Variants in RFX3 observed in about 807,000 individuals in gnomAD.
The protein encoded by RFX3 is regulatory factor X3.
In RFX3, 14 loss-of-function variants were observed where a neutral mutation model predicts 98.6. That is an observed-to-expected ratio of 0.14 (90% CI 0.09 to 0.22). RFX3 has a LOEUF of 0.22. RFX3 is among the 10% of genes least tolerant of loss of function. The probability of loss-of-function intolerance (pLI) is 1.00; values close to 1 mark genes in which losing one functional copy is unlikely to be tolerated. For synonymous variants in RFX3, 383 were observed against 328.4 expected (o/e 1.17, Z -1.80); for missense variants, 639 against 926.9 (o/e 0.69, Z 4.03).
intron 2 of RFX3, among the ~76,000 whole-genome samples, chr9:3,352,507 G>T (rs548207842): frequency 1.4e-4 from 22 of 151,744 alleles, no homozygotes; most frequent in Non-Finnish European, 2.6e-4. Context: ...CATACTTAAG[G>T]TCTTACCACT....
At chr9:3,522,866 T>A (rs1034953799) in intron 1 of RFX3, among the ~76,000 whole-genome samples, 4 of 152,170 alleles carry the variant, frequency 2.6e-5, no homozygotes, top group African/African-American at 7.2e-5. Flanking sequence ...TTAACCATAA[T>A]AAATTGTTTA....
chr9:3,482,376 A>G (rs1849847030), intron 1 of RFX3, among the ~76,000 whole-genome samples: 1 of 152,142 alleles, frequency 6.6e-6, no homozygotes, highest in Non-Finnish European at 1.5e-5. Flanking sequence ...AGACATGACA[A>G]TAATGCTCAA....
At chr9:3,506,838 T>G (rs1210121087) in intron 1 of RFX3, among the ~76,000 whole-genome samples, 2 of 151,710 alleles carry the variant, frequency 1.3e-5, no homozygotes, top group Admixed American at 1.3e-4. Context: ...ATCCAGAAAT[T>G]CATGAATTCA....
At chr9:3,426,932 C>T (rs1282011033) in intron 1 of RFX3, among the ~76,000 whole-genome samples, 1 of 152,028 alleles carries the variant, frequency 6.6e-6, no homozygotes, top group Non-Finnish European at 1.5e-5. Context: ...AAATTGTCTT[C>T]CATAAAACCG....
chr9:3,461,446 G>C (rs1026814298), intron 1 of RFX3, among the ~76,000 whole-genome samples: 1 of 152,064 alleles, frequency 6.6e-6, no homozygotes, highest in East Asian at 1.9e-4. Context: ...GGTCAAATCA[G>C]TGACTAAGCA....
chr9:3,348,507 T>C (rs1834710241), intron 2 of RFX3, among the ~76,000 whole-genome samples: 1 of 151,622 alleles, frequency 6.6e-6, no homozygotes, highest in South Asian at 2.1e-4. Flanking sequence ...TGCGGTAGTC[T>C]AATTCTATTA....
chr9:3,352,624 G>A (rs990073339), intron 2 of RFX3, among the ~76,000 whole-genome samples: 1 of 151,998 alleles, frequency 6.6e-6, no homozygotes, highest in Admixed American at 6.6e-5. Context: ...AGGCCATGCT[G>A]GAGTAAATAC....
chr9:3,411,316 T>A (rs1444337036), intron 1 of RFX3, among the ~76,000 whole-genome samples: 1 of 152,168 alleles, frequency 6.6e-6, no homozygotes, highest in Non-Finnish European at 1.5e-5. Context: ...TCGCTCTGTG[T>A]CTTTCTTTCC....
intron 4 of RFX3, among the ~76,000 whole-genome samples, chr9:3,318,228 T>C (rs1243056862): frequency 6.6e-6 from 1 of 152,118 alleles, no homozygotes; most frequent in Non-Finnish European, 1.5e-5. Context: ...TGTAGAGACA[T>C]GGATGAAGCT....
intron 3 of RFX3, among the ~76,000 whole-genome samples, chr9:3,341,067 T>A (rs1040019130): frequency 1.3e-5 from 2 of 152,188 alleles, no homozygotes; most frequent in Non-Finnish European, 2.9e-5. Flanking sequence ...TAGAATACTA[T>A]GCAGCCATAA....
chr9:3,472,531 T>A (rs1848865417), intron 1 of RFX3, among the ~76,000 whole-genome samples: 1 of 152,184 alleles, frequency 6.6e-6, no homozygotes, highest in Non-Finnish European at 1.5e-5. Context: ...AAATTTTCAT[T>A]ACTTTTATAA....
chr9:3,349,301 T>G (rs1834808280), intron 2 of RFX3, among the ~76,000 whole-genome samples: 1 of 152,056 alleles, frequency 6.6e-6, no homozygotes, highest in South Asian at 2.1e-4. Flanking sequence ...CAAATATTGT[T>G]TCCTTCAATT....
intron 1 of RFX3, among the ~76,000 whole-genome samples, chr9:3,418,448 C>G (rs1843163352): frequency 6.6e-6 from 1 of 152,002 alleles, no homozygotes; most frequent in South Asian, 2.1e-4. Flanking sequence ...GGCACCATCT[C>G]AGATCACTGC....
At chr9:3,453,381 C>G (rs752066334) in intron 1 of RFX3, 1 of 151,784 alleles carries the variant, frequency 6.6e-6, no homozygotes, top group African/African-American at 2.4e-5. Flanking sequence ...TCCTAAGACA[C>G]AAGCAGAAGT....
chr9:3,368,082 T>C (rs1837409984), intron 2 of RFX3, among the ~76,000 whole-genome samples: 1 of 152,210 alleles, frequency 6.6e-6, no homozygotes, highest in Non-Finnish European at 1.5e-5. Context: ...TCAGTTCCAC[T>C]AGCATAAATT....
chr9:3,398,723 C>T (rs1841157586), intron 1 of RFX3, among the ~76,000 whole-genome samples: 1 of 152,084 alleles, frequency 6.6e-6, no homozygotes. Context: ...CTTGTTTGCA[C>T]ATACATTGTA....
chr9:3,413,283 T>C (rs1023709637), intron 1 of RFX3, among the ~76,000 whole-genome samples: 2 of 152,096 alleles, frequency 1.3e-5, no homozygotes, highest in African/African-American at 4.8e-5. Flanking sequence ...TTTCAGTGCA[T>C]TCAATTTACT....
At chr9:3,394,788 T>C in intron 2 of RFX3, 2 of 971,914 alleles carry the variant, frequency 2.1e-6, no homozygotes, top group Non-Finnish European at 2.4e-6. Flanking sequence ...TTCTCACCAC[T>C]CTTTAGAAGA....
intron 1 of RFX3, among the ~76,000 whole-genome samples, chr9:3,522,546 AGTGTGTGTGCGTGT>A (rs1818821569): frequency 7.0e-6 from 1 of 142,266 alleles, no homozygotes; most frequent in African/African-American, 2.9e-5. Context: ...GTTCTGGAAA[AGTGTGTGTGCGTGT>A]GTGTGTGTGT....
Sources: gnomAD v4.1 joint callset for allele counts (sites outside exome capture counted in the v4.1 genomes callset) on GRCh38, gnomAD v4.1.1 for gene constraint, MANE v1.5 for transcripts, NCBI Gene and HGNC (gene_info 2026-07-23, HGNC 2026-07-21) for gene names.